The following FLNA variants were observed in gnomAD, a reference collection of about 807,000 sequenced individuals.
FLNA encodes filamin A.
Under a neutral mutation model 157.6 loss-of-function variants are expected in FLNA, and 7 were observed. That is an observed-to-expected ratio of 0.04 (90% CI 0.03 to 0.08). The LOEUF is 0.08. FLNA is among the 10% of genes least tolerant of loss of function. The pLI is 1.00. For missense variants in FLNA, 1,750 were observed against 2,398.4 expected (o/e 0.73, Z 5.65); for synonymous variants, 1,103 against 1,060.8 (o/e 1.04, Z -0.77).
At chrX:154,369,842 G>A (rs1015981938) in intron 2 of FLNA, among the ~76,000 whole-genome samples, 4 of 112,327 alleles carry the variant, frequency 3.6e-5, no homozygotes, top group African/African-American at 1.3e-4. Flanking sequence ...TCTGCCCTCT[G>A]AGTGGCTGGG....
Position 154,361,771 on chromosome X carries a change from T to C in FLNA, c.2843A>G (p.Asn948Ser), listed in dbSNP as rs372718245. ...TPVQQGPVGV[N>S]VTYGGDPIPK... Reference sequence around the variant, plus strand: ...GATGGGATCCCCTCCATAAGTGACATTGACGCCTACTGGACCCTGGGAAGG... The same window carrying C: ...GATGGGATCCCCTCCATAAGTGACACTGACGCCTACTGGACCCTGGGAAGG... Residue 948 changes from asparagine to serine, a missense_variant, in exon 20 of 48, where the codon AAT becomes AGT. Physicochemically the swap from Asn to Ser is conservative, Grantham distance 46. Coordinates refer to ENST00000369850, the MANE Select transcript of FLNA (RefSeq NM_001110556.2). 124 of 1,203,665 alleles carry C rather than the reference T, an allele frequency of 1.0e-4. No individual in the cohort carries two copies. Among genetic ancestry groups the C allele is most frequent in the South Asian group, 7.3e-4 (41 of 56,522 alleles).
rs202025707 is a variant in FLNA at position 154,351,828 on chromosome X, G to T, written c.6907+56C>A. On this transcript the variant is annotated intron_variant, in intron 42 of 47. Coordinates refer to ENST00000369850, the MANE Select transcript of FLNA (RefSeq NM_001110556.2). ...GCAGGGCTATCTGTGCCAGCCCTGG[G>T]TCCAATACCCACACTCAGGCCCCAC... 2.7e-3 allele frequency: 3,242 copies of T among 1,194,899 alleles called. 5 individuals are homozygous for T. The highest frequency in any genetic ancestry group is 3.5e-3 in the Non-Finnish European group (3,053 of 883,397).
rs1013797970 is a variant in FLNA at position 154,361,613 on chromosome X, C to T, written c.2945-43G>A. The T allele has an allele frequency of 4.1e-6, 5 of 1,207,959 alleles. No homozygotes were observed. The Admixed American group carries it at 6.6e-5, about 16-fold the overall frequency. ...GGAAGGAGAGAGACATGACACCCAG[C>T]TCAGCCAATCCCTGGATGTGACAAA... On this transcript the variant is annotated intron_variant, in intron 20 of 47. Transcript: ENST00000369850.
intron 30 of FLNA, among the ~76,000 whole-genome samples, chrX:154,356,713 G>A (rs782191873): frequency 1.8e-5 from 2 of 112,523 alleles, no homozygotes; most frequent in South Asian, 3.6e-4. Context: ...AGGCTGGGCC[G>A]GGCCCCGCCA....
Position 154,348,739 on chromosome X carries a change from G to A in FLNA, c.*110C>T. On this transcript the variant is annotated 3_prime_UTR_variant, in exon 48 of 48. Transcript: ENST00000369850. ...ACGGCACAGGGCAGGGGCGGCTGCA[G>A]TGACAGGCGGGCGGCCAGGGCGGCC... 1.4e-6 allele frequency: 1 copy of A among 719,339 alleles called. No homozygotes were observed. The highest frequency in any genetic ancestry group is 2.0e-6 in the Non-Finnish European group (1 of 492,801). The allele number at this position is 719,339 out of a possible 1,213,427, so 59.3% of individuals were successfully genotyped here. A position where few individuals can be genotyped will look rare whatever the true frequency, so the allele number is the denominator to read the frequency against.
In FLNA at chrX:154,353,942, T is replaced by C. The variant is rs886039107; in HGVS notation, c.5659A>G (p.Thr1887Ala). ...HGVVNKPATF[T>A]VNTKDAGEGG... ...TCTCCTGCATCCTTGGTGTTGACGGTGAAGGTGGCAGGCTTGTTCACTACT... is the reference window on the plus strand; with the variant it reads ...TCTCCTGCATCCTTGGTGTTGACGGCGAAGGTGGCAGGCTTGTTCACTACT... The change falls in exon 35 of 48, where the codon ACC becomes GCC. Residue 1887 changes from threonine (T) to alanine (A), a missense_variant. Coordinates refer to ENST00000369850, the MANE Select transcript of FLNA (RefSeq NM_001110556.2). 14 of 1,211,981 alleles carry C rather than the reference T, an allele frequency of 1.2e-5. No homozygotes were observed. Among genetic ancestry groups the C allele is most frequent in the Non-Finnish European group, 1.6e-5 (14 of 895,401 alleles).
intron 5 of FLNA, 83 bp downstream of exon 5, chrX:154,367,314 T>C: frequency 9.3e-7 from 1 of 1,078,319 alleles, no homozygotes; most frequent in South Asian, 1.9e-5. Flanking sequence ...CCAAGACCCC[T>C]GGGGACCGCC....
chrX:154,370,327 TG>T (rs2148121311), intron 2 of FLNA, among the ~76,000 whole-genome samples: 1 of 111,641 alleles, frequency 9.0e-6, no homozygotes, highest in Admixed American at 9.3e-5. Flanking sequence ...CCTGTGTGTG[TG>T]TGGGGGGGTA....
At chrX:154,360,988 C>T (rs1402007263) in intron 21 of FLNA, among the ~76,000 whole-genome samples, 2 of 88,062 alleles carry the variant, frequency 2.3e-5, no homozygotes, top group African/African-American at 4.6e-5. Context: ...CGGAGGGTGC[C>T]GTGAGCCAAT....
At chrX:154,365,567 G>C in intron 9 of FLNA, 81 bp from the exon 10 acceptor site, 1 of 1,087,514 alleles carries the variant, frequency 9.2e-7, no homozygotes, top group Non-Finnish European at 1.3e-6. Context: ...CGGGCTGTCA[G>C]GATTGGTGGG....
In FLNA at chrX:154,365,330, T is replaced by C; in HGVS notation, c.1567+19A>G. 1 of 1,212,013 alleles carries C rather than the reference T, an allele frequency of 8.3e-7. No individual in the cohort carries two copies. Among genetic ancestry groups the C allele is most frequent in the Non-Finnish European group, 1.1e-6 (1 of 895,587 alleles). ...GGGGCTGCCGCCACCCATCCTGGCC[T>C]GGCTCCAGGCCAACTTACTGGGGCC... On this transcript the variant is annotated intron_variant, in intron 10 of 47. Coordinates refer to ENST00000369850, the MANE Select transcript of FLNA (RefSeq NM_001110556.2).
rs782221369 is a variant in FLNA, at chrX:154,362,439, A to G, written c.2544T>C (p.Ile848=). 4 of 1,210,475 alleles carry G rather than the reference A, an allele frequency of 3.3e-6. No homozygotes were observed. Among genetic ancestry groups the G allele is most frequent in the Non-Finnish European group, 1.1e-6 (1 of 895,152 alleles). Residue 848 remains isoleucine (I), a synonymous_variant, in exon 17 of 48, where the codon ATT becomes ATC. Coordinates refer to ENST00000369850, the MANE Select transcript of FLNA (RefSeq NM_001110556.2). ...CCACCTGGTCAGCAAAGAGGACCAT[A>G]ATGGTGTAGCTGCCAGCCCCCCGGG... ...YTPRGAGSYT[I]MVLFADQATP...
chrX:154,368,146 C>A (rs1249615585), intron 2 of FLNA, 56 bp from the exon 3 acceptor site: 23 of 1,206,194 alleles, frequency 1.9e-5, no homozygotes, highest in Non-Finnish European at 5.6e-6. Flanking sequence ...GGGGCCGATC[C>A]CAGGCTTTGG....
rs372874251 is a variant in FLNA, at chrX:154,360,408, G to A, written c.3387C>T (p.Thr1129=). The part of the protein sequence containing the change: ...DGTCSVSYVP[T]EPGDYNINIL... ...TGTTGATGTTGTAGTCCCCGGGCTC[G>A]GTGGGCACGTAGGACACGGAACATG... Residue 1129 remains threonine, a synonymous_variant, in exon 22 of 48, where the codon ACC becomes ACT. Coordinates refer to ENST00000369850, the MANE Select transcript of FLNA (RefSeq NM_001110556.2). 146 of 1,210,618 alleles carry A rather than the reference G, an allele frequency of 1.2e-4. No homozygotes were observed. The highest frequency in any genetic ancestry group is 4.3e-4 in the Admixed American group (20 of 46,075).
Position 154,352,389 on chromosome X carries a change from C to T in FLNA, c.6561G>A (p.Glu2187=). Residue 2187 remains glutamate, a synonymous_variant, in exon 41 of 48, where the codon GAG becomes GAA. Coordinates refer to ENST00000369850, the MANE Select transcript of FLNA (RefSeq NM_001110556.2). ...QVTSPSGKTH[E]AEIVEGENHT... Reference sequence around the variant, plus strand: ...GGTTCTCCCCTTCCACGATCTCGGCCTCATGGGTCTTGCCCGATGGGCTGG... The same window carrying T: ...GGTTCTCCCCTTCCACGATCTCGGCTTCATGGGTCTTGCCCGATGGGCTGG... 8.2e-7 allele frequency: 1 copy of T among 1,212,187 alleles called. No individual in the cohort carries two copies.
chrX:154,352,068 CG>C, intron 41 of FLNA, 47 bp from the exon 42 acceptor site: 3 of 1,209,518 alleles, frequency 2.5e-6, no homozygotes, highest in Non-Finnish European at 3.4e-6. Flanking sequence ...TCACCAGCCT[CG>C]GCCCCCTCCA....
At position 154,354,729 on chromosome X, in the gene FLNA, G is replaced by GA; in HGVS notation, c.5218-19dup. 1 of 1,207,852 alleles carries GA rather than the reference G, an allele frequency of 8.3e-7. No homozygotes were observed. Among genetic ancestry groups the GA allele is most frequent in the Non-Finnish European group, 1.1e-6 (1 of 893,309 alleles). ...GCCAGAGCCTGCAGGGCAAAGCAGA[G>GA]AGCTGCTGGAGAGTCTGTTGTCACA... On this transcript the variant is annotated intron_variant, in intron 31 of 47. Coordinates refer to ENST00000369850, the MANE Select transcript of FLNA (RefSeq NM_001110556.2).
Position 154,353,423 on chromosome X carries a change from G to C in FLNA, c.5895C>G (p.Val1965=). The part of the protein sequence containing the change: ...DDSMRMSHLK[V]GSAADIPINI... ...TGATGGGGATGTCGGCAGCAGAGCC[G>C]ACCTTTAGGTGGGACATACGCATGG... The change falls in exon 37 of 48, where the codon GTC becomes GTG. Residue 1965 remains valine, a synonymous_variant. Coordinates refer to ENST00000369850, the MANE Select transcript of FLNA (RefSeq NM_001110556.2). 1 of 1,211,618 alleles carries C rather than the reference G, an allele frequency of 8.3e-7. No homozygotes were observed. The highest frequency in any genetic ancestry group is 1.1e-6 in the Non-Finnish European group (1 of 895,493).
chrX:154,355,559 T>C (rs781898154), intron 30 of FLNA, among the ~76,000 whole-genome samples: 18 of 113,325 alleles, frequency 1.6e-4, no homozygotes, highest in Non-Finnish European at 2.6e-4. Flanking sequence ...CCAGGCCTGA[T>C]GGTGAAACCG....
Sources: gnomAD v4.1 joint callset for allele counts (sites outside exome capture counted in the v4.1 genomes callset) on GRCh38, gnomAD v4.1.1 for gene constraint, MANE v1.5 for transcripts, NCBI Gene and HGNC (gene_info 2026-07-23, HGNC 2026-07-21) for gene names.